NGEF: variants seen among roughly 807,000 people sequenced by gnomAD.
NGEF encodes ephexin-1.
Under a neutral mutation model 80.9 loss-of-function variants are expected in NGEF, and 31 were observed. That is an observed-to-expected ratio of 0.38 (90% confidence interval 0.29 to 0.52). The LOEUF (loss-of-function observed/expected upper bound fraction) is 0.52. Ranked by LOEUF, NGEF falls within the 20% of genes least tolerant of loss-of-function variation. NGEF has a pLI of 0.84. For synonymous variants in NGEF, 371 were observed against 370.2 expected (o/e 1.00, Z -0.03); for missense variants, 709 against 926.2 (o/e 0.77, Z 3.04).
intron 5 of NGEF, among the ~76,000 whole-genome samples, chr2:232,909,183 G>C (rs1197145348): frequency 6.6e-6 from 1 of 152,006 alleles, no homozygotes; most frequent in Non-Finnish European, 1.5e-5. Context: ...GTATGATTTT[G>C]TTATAAATTT....
At chr2:232,977,387 C>T (rs987986194) in intron 1 of NGEF, among the ~76,000 whole-genome samples, 4 of 152,160 alleles carry the variant, frequency 2.6e-5, no homozygotes, top group East Asian at 1.9e-4. Context: ...CATGAGTGTC[C>T]GAGCTCCCCA....
chr2:233,004,474 C>G (rs1695046987), intron 1 of NGEF, among the ~76,000 whole-genome samples: 1 of 152,230 alleles, frequency 6.6e-6, no homozygotes, highest in African/African-American at 2.4e-5. Context: ...CCCTTCAGCC[C>G]CCTGGAATCT....
At chr2:232,964,243 C>A (rs999702022) in intron 3 of NGEF, among the ~76,000 whole-genome samples, 4 of 152,150 alleles carry the variant, frequency 2.6e-5, no homozygotes, top group Non-Finnish European at 5.9e-5. Context: ...CCTGGGTATA[C>A]ACCCCAGAGA....
chr2:232,937,329 C>T lies in NGEF; in HGVS notation c.384-10143G>A, dbSNP rs757050902. 3.2e-4 allele frequency among the ~76,000 whole-genome samples: 49 copies of T among 152,204 alleles called. 1 individual carries two copies. The highest frequency in any genetic ancestry group is 6.5e-4 in the Admixed American group (10 of 15,288). On this transcript the variant is annotated intron_variant, in intron 3 of 14. Coordinates refer to ENST00000264051, the MANE Select transcript of NGEF (RefSeq NM_019850.3). ...TAACAGCCTTCCTTTCCTCTGGTCT[C>T]TTTGTCCCTCCCTCCATCTGTCCTA...
chr2:232,882,175 C>T lies in NGEF; in HGVS notation c.1837+11G>A, dbSNP rs769626313. 14 of 1,612,668 alleles carry T rather than the reference C, an allele frequency of 8.7e-6. No individual in the cohort carries two copies. Among genetic ancestry groups the T allele is most frequent in the South Asian group, 5.5e-5 (5 of 90,806 alleles). On this transcript the variant is annotated intron_variant, in intron 13 of 14. Transcript: ENST00000264051. The stretch of plus-strand genomic sequence containing the variant: ...GGACAAATGGCGCCCCCTTACCCAC[C>T]GGTGACTTACCCAGCAGCCGGGATG...
chr2:232,933,565 G>C (rs1239078778), intron 3 of NGEF, among the ~76,000 whole-genome samples: 4 of 152,184 alleles, frequency 2.6e-5, no homozygotes, highest in Admixed American at 6.5e-5. Flanking sequence ...CAAACATCTT[G>C]GTTGGAATCC....
chr2:232,904,112 GC>G, intron 5 of NGEF, among the ~76,000 whole-genome samples: 1 of 152,190 alleles, frequency 6.6e-6, no homozygotes, highest in Non-Finnish European at 1.5e-5. Context: ...TGACCACAGG[GC>G]CCCTTGCTTC....
chr2:232,951,160 C>T (rs949694648), intron 3 of NGEF, among the ~76,000 whole-genome samples: 1 of 152,208 alleles, frequency 6.6e-6, no homozygotes, highest in Admixed American at 6.5e-5. Flanking sequence ...ACCGGAACAA[C>T]AGCTCCCAGA....
intron 1 of NGEF, among the ~76,000 whole-genome samples, chr2:232,978,182 G>T (rs561689883): frequency 6.6e-6 from 1 of 151,620 alleles, no homozygotes; most frequent in African/African-American, 2.4e-5. Context: ...GGCTTTCAAG[G>T]TTATTATTAC....
chr2:232,972,694 A>G (rs1211530718), intron 2 of NGEF, among the ~76,000 whole-genome samples: 2 of 149,988 alleles, frequency 1.3e-5, no homozygotes, highest in Non-Finnish European at 1.5e-5. Flanking sequence ...GGGTACCTGC[A>G]TGAAATCAAC....
At chr2:232,905,193 A>G (rs915044048) in intron 5 of NGEF, among the ~76,000 whole-genome samples, 2 of 150,796 alleles carry the variant, frequency 1.3e-5, no homozygotes, top group Non-Finnish European at 3.0e-5. Context: ...GCTCACTGCA[A>G]CCTCCCTGCC....
At chr2:232,881,576 T>C (rs1375150032) in intron 13 of NGEF, among the ~76,000 whole-genome samples, 1 of 152,122 alleles carries the variant, frequency 6.6e-6, no homozygotes, top group Non-Finnish European at 1.5e-5. Flanking sequence ...AGCTTCTCCA[T>C]AAGGCAGCTG....
intron 5 of NGEF, 91 bp from the exon 6 acceptor site, chr2:232,895,007 C>T: frequency 7.1e-7 from 1 of 1,413,886 alleles, no homozygotes. Flanking sequence ...GAGGGAGGCT[C>T]AGCAGGGAGT....
At chr2:232,991,556 A>T (rs1354811934) in intron 1 of NGEF, among the ~76,000 whole-genome samples, 14 of 152,212 alleles carry the variant, frequency 9.2e-5, no homozygotes, top group Non-Finnish European at 1.5e-5. Context: ...CAACATTTAG[A>T]TGCTGAAACT....
intron 5 of NGEF, among the ~76,000 whole-genome samples, chr2:232,908,662 C>G (rs1434869646): frequency 3.3e-5 from 5 of 152,076 alleles, no homozygotes; most frequent in Admixed American, 2.6e-4. Flanking sequence ...ACCTCAGCCT[C>G]CCAAAGTGCT....
chr2:233,009,799 C>T (rs545086829), intron 1 of NGEF, among the ~76,000 whole-genome samples: 6 of 152,248 alleles, frequency 3.9e-5, no homozygotes, highest in African/African-American at 1.2e-4. Flanking sequence ...CCATGGGACA[C>T]GCTGGCCATC....
chr2:232,946,612 T>C (rs1054796302), intron 3 of NGEF, among the ~76,000 whole-genome samples: 1 of 152,138 alleles, frequency 6.6e-6, no homozygotes, highest in African/African-American at 2.4e-5. Flanking sequence ...AACGAGCACA[T>C]CTAATGCCCA....
At chr2:232,891,968 ATGGCAGGGACGGCAGG>A (rs1559194546) in intron 7 of NGEF, among the ~76,000 whole-genome samples, 344 of 15,446 alleles carry the variant, frequency 0.022, 4 homozygotes, top group Middle Eastern at 0.043. Context: ...GTCAGCAGGG[ATGGCAGGGACGGCAGG>A]GACAGCAGGG....
rs908854914 is a variant in NGEF at position 232,883,266 on chromosome 2, A to G, written c.1757+45T>C. The G allele has an allele frequency of 9.1e-6, 14 of 1,540,818 alleles. No homozygotes were observed. The Admixed American group carries it at 1.1e-4, about 12-fold the overall frequency. On this transcript the variant is annotated intron_variant, in intron 12 of 14. Coordinates refer to ENST00000264051, the MANE Select transcript of NGEF (RefSeq NM_019850.3). ...CCCATAGGCATCGAGGCCACACAGA[A>G]AGGTGCCACGGGTAGCACTGGGCGT...
Sources: gnomAD v4.1 joint callset for allele counts (sites outside exome capture counted in the v4.1 genomes callset) on GRCh38, gnomAD v4.1.1 for gene constraint, MANE v1.5 for transcripts, NCBI Gene and HGNC (gene_info 2026-07-23, HGNC 2026-07-21) for gene names.